SNTB2: variants seen among roughly 807,000 people sequenced by gnomAD.
SNTB2 encodes beta-2-syntrophin.
SNTB2 carries 34 observed loss-of-function variants against 46.2 expected under a neutral mutation model. The observed-to-expected ratio is 0.74, with a 90% CI of 0.56 to 0.98. The LOEUF is 0.98. SNTB2 is among the 50% of genes least tolerant of loss of function. The pLI, the probability that SNTB2 is intolerant of heterozygous loss-of-function variation, is 0.00. For missense variants in SNTB2, 603 were observed against 731.4 expected, an observed-to-expected ratio of 0.82 and a Z score of 2.02; for synonymous variants, 290 against 312.6, an observed-to-expected ratio of 0.93 and a Z score of 0.76.
intron 3 of SNTB2, among the ~76,000 whole-genome samples, chr16:69,266,918 T>A (rs892108780): frequency 1.3e-5 from 2 of 152,126 alleles, no homozygotes; most frequent in Non-Finnish European, 2.9e-5. Context: ...GGTTTTAGCA[T>A]GTTGCCCAGG....
intron 1 of SNTB2, among the ~76,000 whole-genome samples, chr16:69,222,046 A>G (rs1964410363): frequency 6.6e-6 from 1 of 152,266 alleles, no homozygotes; most frequent in South Asian, 2.1e-4. Flanking sequence ...TTTGCCATGA[A>G]CAACATTGTT....
intron 6 of SNTB2, 32 bp downstream of exon 6, chr16:69,299,806 A>G: frequency 6.3e-7 from 1 of 1,595,014 alleles, no homozygotes; most frequent in Non-Finnish European, 8.6e-7. Flanking sequence ...ATGTTTATCT[A>G]ATAGATGTTC....
intron 5 of SNTB2, among the ~76,000 whole-genome samples, chr16:69,285,841 G>A (rs1965097870): frequency 6.6e-6 from 1 of 151,120 alleles, no homozygotes; most frequent in African/African-American, 2.4e-5. Context: ...CGCCCAGGCT[G>A]GAGTGCAGTG....
At chr16:69,211,645 A>G (rs1029573791) in intron 1 of SNTB2, among the ~76,000 whole-genome samples, 1 of 152,088 alleles carries the variant, frequency 6.6e-6, no homozygotes, top group Non-Finnish European at 1.5e-5. Context: ...GGATTTATAT[A>G]TTAAAGCTAG....
At position 69,306,916 on chromosome 16, in the gene SNTB2, A is replaced by C. The variant is rs547182893; in HGVS notation, c.*5992A>C. ...CATGCCATTGCACTCCAGCCTGGGC[A>C]ACAGAGCGAGACTTCATCTCCAAAA... On this transcript the variant is annotated 3_prime_UTR_variant, in exon 7 of 7. Transcript: ENST00000336278. 1 of 152,372 alleles carries C rather than the reference A, an allele frequency of 6.6e-6. No homozygotes were observed. Among genetic ancestry groups the C allele is most frequent in the South Asian group, 2.1e-4 (1 of 4,826 alleles). The allele number at this position is 152,372 out of a possible 1,614,324, so 9.4% of individuals were successfully genotyped here.
intron 5 of SNTB2, among the ~76,000 whole-genome samples, chr16:69,284,979 A>G (rs930298454): frequency 6.6e-6 from 1 of 152,186 alleles, no homozygotes; most frequent in East Asian, 1.9e-4. Flanking sequence ...GTAACATACT[A>G]TGTAAGTTTG....
intron 5 of SNTB2, among the ~76,000 whole-genome samples, chr16:69,296,299 A>T (rs115949426): frequency 0.021 from 3,258 of 152,128 alleles, 121 homozygotes; most frequent in African/African-American, 0.074. Flanking sequence ...AATTTTTTTT[A>T]AACTAAAACA....
In SNTB2 at chr16:69,288,785, A is replaced by G. The variant is rs747550321; in HGVS notation, c.1345+4541A>G. ...TCACAATAACAAAGATAGAGAATCA[A>G]CCTAAGTGTCCATCAGCAGACAAAT... On this transcript the variant is annotated intron_variant, in intron 5 of 6. Transcript: ENST00000336278. Among the ~76,000 whole-genome samples, 4 of 152,244 alleles carry G rather than the reference A, an allele frequency of 2.6e-5. No individual in the cohort carries two copies. In the East Asian group the frequency reaches 5.8e-4, roughly 22 times the overall value.
At chr16:69,195,559 G>A (rs1964097153) in intron 1 of SNTB2, among the ~76,000 whole-genome samples, 1 of 152,000 alleles carries the variant, frequency 6.6e-6, no homozygotes, top group South Asian at 2.1e-4. Context: ...GTGGATCTAG[G>A]TTTAGGTTCA....
At chr16:69,272,473 G>T (rs1473252105) in intron 4 of SNTB2, among the ~76,000 whole-genome samples, 1 of 150,104 alleles carries the variant, frequency 6.7e-6, no homozygotes, top group Non-Finnish European at 1.5e-5. Flanking sequence ...ATGGGAGGCA[G>T]AGGTTGCTGT....
At position 69,251,139 on chromosome 16, in the gene SNTB2, C is replaced by T. The variant is rs1446050640; in HGVS notation, c.794+5324C>T. ...GACTACAGGCTCCCGCCACTACGCCCGGCTAATTTTTTGTATTTTTAGTAG... is the reference window on the plus strand; with the variant it reads ...GACTACAGGCTCCCGCCACTACGCCTGGCTAATTTTTTGTATTTTTAGTAG... On this transcript the variant is annotated intron_variant, in intron 2 of 6. Transcript: ENST00000336278. Among the ~76,000 whole-genome samples, 8 of 151,054 alleles carry T rather than the reference C, an allele frequency of 5.3e-5. No homozygotes were observed. In the East Asian group the frequency reaches 1.0e-3, roughly 19 times the overall value.
intron 1 of SNTB2, among the ~76,000 whole-genome samples, chr16:69,220,718 G>A (rs926300954): frequency 6.6e-5 from 10 of 151,886 alleles, no homozygotes; most frequent in African/African-American, 9.7e-5. Flanking sequence ...TTTTTTTAGA[G>A]ACAAGGTCTC....
At chr16:69,278,937 TAAA>T (rs1283120257) in intron 4 of SNTB2, among the ~76,000 whole-genome samples, 6 of 149,644 alleles carry the variant, frequency 4.0e-5, no homozygotes, top group Non-Finnish European at 7.4e-5. Flanking sequence ...TGTGTGTTAA[TAAA>T]CTCATAACGT....
intron 1 of SNTB2, among the ~76,000 whole-genome samples, chr16:69,242,396 C>G (rs1964626135): frequency 6.6e-6 from 1 of 151,984 alleles, no homozygotes; most frequent in African/African-American, 2.4e-5. Flanking sequence ...GCCCTGCAAC[C>G]TGAGGGACAG....
At chr16:69,206,191 G>T (rs1296454384) in intron 1 of SNTB2, among the ~76,000 whole-genome samples, 2 of 152,080 alleles carry the variant, frequency 1.3e-5, no homozygotes, top group Non-Finnish European at 1.5e-5. Context: ...TAGAGACAGG[G>T]TTCTCACTAT....
In SNTB2 at chr16:69,284,174, G is replaced by A; in HGVS notation, c.1275G>A (p.Leu425=). The change falls in exon 5 of 7, where the codon CTG becomes CTA. Residue 425 remains leucine (L), a synonymous_variant. Transcript: ENST00000336278. ...HLFRVETHRD[L]SSWTRILVQG... ...TCAGGGTGGAGACACATCGGGATCT[G>A]TCATCCTGGACCAGGATACTTGTTC... 1 of 1,613,992 alleles carries A rather than the reference G, an allele frequency of 6.2e-7. No homozygotes were observed. Among genetic ancestry groups the A allele is most frequent in the Non-Finnish European group, 8.5e-7 (1 of 1,179,990 alleles).
At chr16:69,217,082 G>A (rs1028119707) in intron 1 of SNTB2, among the ~76,000 whole-genome samples, 5 of 152,150 alleles carry the variant, frequency 3.3e-5, no homozygotes, top group Non-Finnish European at 5.9e-5. Context: ...ATTTCTGAGT[G>A]AAAAGACTGT....
In SNTB2 at chr16:69,308,183, T is replaced by C. The variant is rs1428035446; in HGVS notation, c.*7259T>C. On this transcript the variant is annotated 3_prime_UTR_variant, in exon 7 of 7. Coordinates refer to ENST00000336278, the MANE Select transcript of SNTB2 (RefSeq NM_006750.4). ...TTTGACAATCAGGTGCTAATGATTG[T>C]ATACTATTAAAACCAGCACATAAGT... 6.5e-6 allele frequency: 1 copy of C among 152,672 alleles called. No individual in the cohort carries two copies. Among genetic ancestry groups the C allele is most frequent in the African/African-American group, 2.4e-5 (1 of 41,458 alleles). 9.5% of individuals were successfully genotyped at this position (152,672 alleles called of 1,614,324 possible).
Position 69,299,757 on chromosome 16 carries a change from G to C in SNTB2, c.1513G>C (p.Gly505Arg). The C allele has an allele frequency of 6.2e-7, 1 of 1,614,064 alleles. No individual in the cohort carries two copies. The highest frequency in any genetic ancestry group is 8.5e-7 in the Non-Finnish European group (1 of 1,179,992). ...GIRNLYLDFG[G>R]PEGELTMDLH... ...CCGAAATCTATACTTGGATTTTGGTGGTCCCGAGGGAGAACTGGTAAGAGT... is the reference window on the plus strand; with the variant it reads ...CCGAAATCTATACTTGGATTTTGGTCGTCCCGAGGGAGAACTGGTAAGAGT... Residue 505 changes from glycine to arginine, a missense_variant, in exon 6 of 7, where the codon GGT (glycine) becomes CGT (arginine). Transcript: ENST00000336278.
Sources: gnomAD v4.1 joint callset for allele counts (sites outside exome capture counted in the v4.1 genomes callset) on GRCh38, gnomAD v4.1.1 for gene constraint, MANE v1.5 for transcripts, NCBI Gene and HGNC (gene_info 2026-07-23, HGNC 2026-07-21) for gene names.